LIPA: variants seen among roughly 807,000 people sequenced by gnomAD.
LIPA encodes the protein lysosomal acid lipase/cholesteryl ester hydrolase.
In LIPA, 26 loss-of-function variants were observed where a neutral mutation model predicts 40.6. The ratio of observed to expected loss-of-function variants is 0.64; its 90% CI spans 0.47 to 0.89. LIPA has a LOEUF of 0.89. Ranked by LOEUF, LIPA falls within the 40% of genes least tolerant of loss-of-function variation. LIPA has a pLI of 0.00. For synonymous variants in LIPA, 188 were observed against 168.4 expected (o/e 1.12, Z -0.90); for missense variants, 455 against 479.6 (o/e 0.95, Z 0.48).
chr10:89,307,696 T>C, intron 1 of LIPA: 1 of 223,220 alleles, frequency 4.5e-6, no homozygotes, highest in Non-Finnish European at 9.1e-6. Flanking sequence ...GGCTTGTTTC[T>C]ATATTTATAT....
At chr10:89,403,261 T>C (rs1336173794) in intron 2 of LIPA, 4 of 1,614,194 alleles carry the variant, frequency 2.5e-6, no homozygotes, top group Non-Finnish European at 3.4e-6. Flanking sequence ...ATATTTCATT[T>C]TGAATCTGCA....
upstream of LIPA, among the ~76,000 whole-genome samples, chr10:89,254,072 A>G (rs560878250): frequency 1.3e-5 from 2 of 152,290 alleles, no homozygotes; most frequent in Non-Finnish European, 2.9e-5. Context: ...AGTGCAAGCT[A>G]TCGGTGGATC....
intron 1 of LIPA, among the ~76,000 whole-genome samples, chr10:89,271,639 A>G (rs553543835): frequency 6.6e-6 from 1 of 152,212 alleles, no homozygotes; most frequent in Non-Finnish European, 1.5e-5. Flanking sequence ...AAACAATTCA[A>G]TGCAGTGAGG....
intron 1 of LIPA, among the ~76,000 whole-genome samples, chr10:89,291,513 A>G (rs1027079559): frequency 6.6e-6 from 1 of 152,186 alleles, no homozygotes; most frequent in Non-Finnish European, 1.5e-5. Flanking sequence ...ACATGATACC[A>G]TGATACACAT....
intron 2 of LIPA, among the ~76,000 whole-genome samples, chr10:89,369,068 T>C (rs1844077830): frequency 1.3e-5 from 2 of 152,160 alleles, no homozygotes; most frequent in Non-Finnish European, 2.9e-5. Flanking sequence ...ATGTCAATCT[T>C]TTTCCATGGG....
At chr10:89,410,760 G>C (rs192039123) in intron 2 of LIPA, among the ~76,000 whole-genome samples, 2 of 152,348 alleles carry the variant, frequency 1.3e-5, no homozygotes, top group African/African-American at 4.8e-5. Context: ...GGAAACCACG[G>C]AGTTATTGCA....
At chr10:89,409,577 C>A (rs531246956) in intron 2 of LIPA, among the ~76,000 whole-genome samples, 1 of 152,328 alleles carries the variant, frequency 6.6e-6, no homozygotes, top group East Asian at 1.9e-4. Context: ...GGGGCAAGCA[C>A]CAGCTCATGT....
chr10:89,215,824 A>G (rs1842618475), intron 9 of LIPA, 114 bp downstream of exon 9: 1 of 793,130 alleles, frequency 1.3e-6, no homozygotes, highest in South Asian at 1.4e-5. Flanking sequence ...ACACTAGTCA[A>G]CTCCTGCAAA....
intron 2 of LIPA, among the ~76,000 whole-genome samples, chr10:89,353,794 A>G (rs1473348596): frequency 2.0e-5 from 3 of 152,132 alleles, no homozygotes; most frequent in Non-Finnish European, 4.4e-5. Flanking sequence ...CAAAAAAATT[A>G]GCTGGGTGTG....
At chr10:89,412,282 T>C (rs1841474996) in intron 2 of LIPA, among the ~76,000 whole-genome samples, 1 of 152,056 alleles carries the variant, frequency 6.6e-6, no homozygotes, top group African/African-American at 2.4e-5. Flanking sequence ...AGCTAAAGGA[T>C]TGTAAACGCA....
At chr10:89,359,887 C>T (rs10509572) in intron 2 of LIPA, among the ~76,000 whole-genome samples, 34,752 of 151,376 alleles carry the variant, frequency 0.23, 4,163 homozygotes, top group African/African-American at 0.25. Flanking sequence ...AATGCTAATG[C>T]CTAAGTTCTA....
intron 1 of LIPA, among the ~76,000 whole-genome samples, chr10:89,327,132 C>T (rs967752869): frequency 1.3e-5 from 2 of 152,194 alleles, no homozygotes; most frequent in African/African-American, 4.8e-5. Context: ...AATAGAAATT[C>T]AATAGACAAT....
At chr10:89,363,676 C>G (rs1844037461) in intron 2 of LIPA, among the ~76,000 whole-genome samples, 1 of 146,926 alleles carries the variant, frequency 6.8e-6, no homozygotes. Context: ...ACTCGGGAGG[C>G]TGAGGCAGGA....
At chr10:89,325,678 G>A (rs561561019) in intron 1 of LIPA, among the ~76,000 whole-genome samples, 10 of 152,234 alleles carry the variant, frequency 6.6e-5, no homozygotes, top group South Asian at 2.1e-4. Context: ...GACACAAAGA[G>A]GGGAACAACA....
At chr10:89,352,518 G>A (rs973252516) in intron 2 of LIPA, among the ~76,000 whole-genome samples, 1 of 152,086 alleles carries the variant, frequency 6.6e-6, no homozygotes, top group Non-Finnish European at 1.5e-5. Context: ...TTTTGTCTTA[G>A]TCTTCCCTCC....
intron 1 of LIPA, among the ~76,000 whole-genome samples, chr10:89,288,229 T>C (rs1028541565): frequency 2.0e-5 from 3 of 151,868 alleles, no homozygotes; most frequent in Non-Finnish European, 4.4e-5. Flanking sequence ...AAACAACAAC[T>C]GCTTTCCTTC....
intron 2 of LIPA, among the ~76,000 whole-genome samples, chr10:89,394,247 C>T (rs1844300680): frequency 6.6e-6 from 1 of 152,100 alleles, no homozygotes; most frequent in East Asian, 1.9e-4. Context: ...ACATAGAGTA[C>T]AGCAAAATTG....
intron 1 of LIPA, among the ~76,000 whole-genome samples, chr10:89,272,124 A>C (rs924548925): frequency 7.2e-5 from 11 of 152,156 alleles, no homozygotes; most frequent in African/African-American, 2.4e-4. Flanking sequence ...GCACATATGC[A>C]CAATGTTCAG....
chr10:89,260,051 T>G (rs1246870445), intron 1 of LIPA, among the ~76,000 whole-genome samples: 1 of 152,250 alleles, frequency 6.6e-6, no homozygotes, highest in East Asian at 1.9e-4. Flanking sequence ...TCATCTGTCA[T>G]ACTTCGATAA....
Sources: gnomAD v4.1 joint callset for allele counts (sites outside exome capture counted in the v4.1 genomes callset) on GRCh38, gnomAD v4.1.1 for gene constraint, MANE v1.5 for transcripts, NCBI Gene and HGNC (gene_info 2026-07-23, HGNC 2026-07-21) for gene names.